JAK1: variants seen among roughly 807,000 people sequenced by gnomAD.
The protein encoded by JAK1 is tyrosine-protein kinase JAK1.
JAK1 carries 16 observed loss-of-function variants against 136.6 expected under a neutral mutation model. The ratio of observed to expected loss-of-function variants is 0.12; its 90% CI spans 0.08 to 0.18. The LOEUF is 0.18. Ranked by LOEUF, JAK1 falls within the 10% of genes least tolerant of loss-of-function variation. The pLI, the probability that JAK1 is intolerant of heterozygous loss-of-function variation, is 1.00. For missense variants in JAK1, 859 were observed against 1,450.1 expected, an observed-to-expected ratio of 0.59 and a Z score of 6.62; for synonymous variants, 492 against 519.5, an observed-to-expected ratio of 0.95 and a Z score of 0.72.
chr1:64,856,889 C>A (rs1655973987), intron 10 of JAK1, among the ~76,000 whole-genome samples: 1 of 152,196 alleles, frequency 6.6e-6, no homozygotes, highest in South Asian at 2.1e-4. Context: ...GTGCCAAAGG[C>A]CCCTCCGTGT....
chr1:64,903,533 C>G (rs1350805812), intron 1 of JAK1, among the ~76,000 whole-genome samples: 2 of 152,294 alleles, frequency 1.3e-5, no homozygotes, highest in South Asian at 4.1e-4. Flanking sequence ...GGTGAGAGGA[C>G]AGGAAGCCTA....
At chr1:64,873,591 T>G (rs1377379330) in intron 4 of JAK1, 68 bp from the exon 5 acceptor site, 3 of 1,585,992 alleles carry the variant, frequency 1.9e-6, no homozygotes, top group Non-Finnish European at 1.7e-6. Context: ...GCGTCCTGGC[T>G]CACCAACAGT....
chr1:64,940,543 T>G (rs982826057), intron 1 of JAK1, among the ~76,000 whole-genome samples: 9 of 152,054 alleles, frequency 5.9e-5, no homozygotes, highest in African/African-American at 2.2e-4. Context: ...TCTCCAATTC[T>G]GGGGCTCAAG....
Position 64,860,087 on chromosome 1 carries a change from T to C in JAK1, c.1334+18A>G. The C allele has an allele frequency of 6.7e-7, 1 of 1,495,248 alleles. No individual in the cohort carries two copies. Among genetic ancestry groups the C allele is most frequent in the Non-Finnish European group, 9.0e-7 (1 of 1,109,804 alleles). 92.6% of individuals were successfully genotyped at this position (1,495,248 alleles called of 1,614,324 possible). On this transcript the variant is annotated intron_variant, in intron 9 of 24. Transcript: ENST00000342505. Reference sequence around the variant, plus strand: ...CTCTCTGCACACCAAAGGCAACTGATAAGGTTCTAGGACCAACCAGATTGG... The same window carrying C: ...CTCTCTGCACACCAAAGGCAACTGACAAGGTTCTAGGACCAACCAGATTGG...
rs778741759 is a variant in JAK1, at chr1:64,834,515, G to A, written c.*47C>T. 6.3e-6 allele frequency: 8 copies of A among 1,267,208 alleles called. No individual in the cohort carries two copies. Among genetic ancestry groups the A allele is most frequent in the Non-Finnish European group, 9.2e-6 (8 of 874,300 alleles). 78.5% of individuals were successfully genotyped at this position (1,267,208 alleles called of 1,614,324 possible). Reference sequence around the variant, plus strand: ...AAAAATGACTTGGGCATTTGTTGCAGGAGAAGGACTTGATAATCTGTGGAA... The same window carrying A: ...AAAAATGACTTGGGCATTTGTTGCAAGAGAAGGACTTGATAATCTGTGGAA... On this transcript the variant is annotated 3_prime_UTR_variant, in exon 25 of 25. Transcript: ENST00000342505.
chr1:64,980,843 C>A (rs113376809), intron 2 of JAK1, among the ~76,000 whole-genome samples: 1 of 151,910 alleles, frequency 6.6e-6, no homozygotes, highest in Middle Eastern at 3.4e-3. Context: ...TTTGTCCTTG[C>A]GATAGTTTGC....
intron 2 of JAK1, among the ~76,000 whole-genome samples, chr1:65,000,586 A>G (rs1374411477): frequency 6.6e-6 from 1 of 152,178 alleles, no homozygotes; most frequent in Non-Finnish European, 1.5e-5. Flanking sequence ...AAGTTATTCA[A>G]TAGGGCTTTG....
chr1:65,025,135 G>A (rs1039936786), intron 2 of JAK1, among the ~76,000 whole-genome samples: 1 of 152,172 alleles, frequency 6.6e-6, no homozygotes, highest in Non-Finnish European at 1.5e-5. Context: ...AGGCCCACAG[G>A]AGAAGAGTGC....
intron 1 of JAK1, among the ~76,000 whole-genome samples, chr1:65,048,240 G>GTGACCTAGTTTT (rs1647207078): frequency 6.6e-6 from 1 of 152,194 alleles, no homozygotes; most frequent in East Asian, 1.9e-4. Flanking sequence ...CATCAGGTAA[G>GTGACCTAGTTTT]TGACCTAGTT....
intron 1 of JAK1, among the ~76,000 whole-genome samples, chr1:64,919,051 T>C (rs921895738): frequency 1.3e-5 from 2 of 152,194 alleles, no homozygotes; most frequent in Non-Finnish European, 2.9e-5. Flanking sequence ...AGTTCTAGGG[T>C]ACATGTGCAC....
chr1:64,886,169 C>T (rs1644849189), intron 2 of JAK1, 90 bp downstream of exon 2: 4 of 803,966 alleles, frequency 5.0e-6, no homozygotes, highest in Non-Finnish European at 8.3e-6. Context: ...GGCAATAGCA[C>T]CAATAGCCCT....
chr1:64,952,084 A>T (rs1241726118), intron 1 of JAK1, among the ~76,000 whole-genome samples: 1 of 152,226 alleles, frequency 6.6e-6, no homozygotes, highest in Non-Finnish European at 1.5e-5. Context: ...AATTTAACAC[A>T]TAAAGTATCT....
At chr1:64,993,249 G>A (rs1646674394) in intron 2 of JAK1, 1 of 152,304 alleles carries the variant, frequency 6.6e-6, no homozygotes, top group Non-Finnish European at 1.5e-5. Context: ...ACCGTGTATG[G>A]TAGTGGTTAA....
chr1:65,013,405 A>C (rs997224378), intron 2 of JAK1, among the ~76,000 whole-genome samples: 1 of 151,974 alleles, frequency 6.6e-6, no homozygotes, highest in African/African-American at 2.4e-5. Flanking sequence ...AAAAAAAAAA[A>C]AACAAAAAAA....
intron 9 of JAK1, 40 bp from the exon 10 acceptor site, chr1:64,857,819 CA>C: frequency 6.2e-7 from 1 of 1,611,216 alleles, no homozygotes; most frequent in Non-Finnish European, 8.5e-7. Flanking sequence ...GAGCTCACAC[CA>C]AACAGGACTT....
intron 1 of JAK1, among the ~76,000 whole-genome samples, chr1:65,055,873 C>T (rs761780504): frequency 3.9e-5 from 6 of 152,196 alleles, no homozygotes; most frequent in Admixed American, 2.0e-4. Flanking sequence ...CTCAGTTCTT[C>T]AACACCCCAC....
intron 4 of JAK1, among the ~76,000 whole-genome samples, chr1:64,877,668 C>T (rs1644694368): frequency 1.3e-5 from 2 of 152,122 alleles, no homozygotes; most frequent in African/African-American, 4.8e-5. Context: ...CTTTTCCAAT[C>T]CTAAAAGCTA....
chr1:65,027,615 C>G (rs1646988969), intron 2 of JAK1, among the ~76,000 whole-genome samples: 1 of 152,080 alleles, frequency 6.6e-6, no homozygotes, highest in African/African-American at 2.4e-5. Flanking sequence ...GCCTTAAAAC[C>G]ATGTTGCAGG....
At chr1:64,930,529 G>A (rs1645671130) in intron 1 of JAK1, among the ~76,000 whole-genome samples, 1 of 152,188 alleles carries the variant, frequency 6.6e-6, no homozygotes, top group Non-Finnish European at 1.5e-5. Flanking sequence ...TGAGAAATAG[G>A]AACACTTTAT....
Sources: gnomAD v4.1 joint callset for allele counts (sites outside exome capture counted in the v4.1 genomes callset) on GRCh38, gnomAD v4.1.1 for gene constraint, MANE v1.5 for transcripts, NCBI Gene and HGNC (gene_info 2026-07-23, HGNC 2026-07-21) for gene names.